Variants in MOB1B observed in about 807,000 individuals in gnomAD.
MOB1B encodes the protein MOB1 Mps One Binder homolog B.
In MOB1B, 19 loss-of-function variants were observed where a neutral mutation model predicts 24.4. The observed-to-expected ratio is 0.78, with a 90% CI of 0.54 to 1.14. The LOEUF is 1.14. Ranked by LOEUF, MOB1B falls within the 50% of genes most tolerant of loss-of-function variation. The pLI, the probability that MOB1B is intolerant of heterozygous loss-of-function variation, is 0.00. For missense variants in MOB1B, 243 were observed against 259.6 expected (o/e 0.94, Z 0.44); for synonymous variants, 76 against 82.1 (o/e 0.93, Z 0.40).
At chr4:70,958,168 CTTT>C (rs112338268) in intron 1 of MOB1B, among the ~76,000 whole-genome samples, 2 of 141,786 alleles carry the variant, frequency 1.4e-5, no homozygotes, top group Non-Finnish European at 1.6e-5. Flanking sequence ...TCTTTTCTTT[CTTT>C]TTTTTTTTTT....
At chr4:70,963,732 A>T (rs1738394640) in intron 2 of MOB1B, among the ~76,000 whole-genome samples, 1 of 152,166 alleles carries the variant, frequency 6.6e-6, no homozygotes, top group Non-Finnish European at 1.5e-5. Flanking sequence ...AGGTGGGAAG[A>T]TCGCTTGAGC....
chr4:70,975,397 T>C, intron 4 of MOB1B, 111 bp downstream of exon 4: 5 of 1,508,342 alleles, frequency 3.3e-6, no homozygotes, highest in East Asian at 2.3e-5. Flanking sequence ...TATGGCTGTG[T>C]TGATATATGT....
At chr4:70,910,283 T>C (rs774707144) in intron 1 of MOB1B, among the ~76,000 whole-genome samples, 1 of 151,462 alleles carries the variant, frequency 6.6e-6, no homozygotes, top group African/African-American at 2.4e-5. Flanking sequence ...TCAAGCAATC[T>C]GCCTGCCTCG....
intron 3 of MOB1B, among the ~76,000 whole-genome samples, chr4:70,971,495 ACT>A (rs1738750508): frequency 7.0e-6 from 1 of 142,064 alleles, no homozygotes; most frequent in Non-Finnish European, 1.5e-5. Flanking sequence ...ATAGAGTGAG[ACT>A]CTGTCTCAAA....
intron 1 of MOB1B, among the ~76,000 whole-genome samples, chr4:70,939,976 C>T (rs946412253): frequency 6.6e-6 from 1 of 152,166 alleles, no homozygotes; most frequent in African/African-American, 2.4e-5. Context: ...GTGTCTCCTC[C>T]GACTGCCCTA....
intron 3 of MOB1B, among the ~76,000 whole-genome samples, chr4:70,973,728 A>G (rs1258746145): frequency 2.0e-5 from 3 of 152,198 alleles, no homozygotes; most frequent in Non-Finnish European, 4.4e-5. Flanking sequence ...GTTGGAAAGT[A>G]TCATACTTGG....
intron 5 of MOB1B, 85 bp downstream of exon 5, chr4:70,979,376 G>A: frequency 9.2e-7 from 1 of 1,081,674 alleles, no homozygotes; most frequent in Non-Finnish European, 1.3e-6. Context: ...CACACTGTCA[G>A]GATGGAATTT....
At chr4:70,908,355 AC>A (rs1394731707) in intron 1 of MOB1B, among the ~76,000 whole-genome samples, 1 of 149,906 alleles carries the variant, frequency 6.7e-6, no homozygotes, top group Non-Finnish European at 1.5e-5. Context: ...TTAAATGTCA[AC>A]AATGAAAGCT....
chr4:70,975,743 G>A lies in MOB1B; in HGVS notation c.409+457G>A, dbSNP rs143538041. On this transcript the variant is annotated intron_variant, in intron 4 of 5. Coordinates refer to ENST00000309395, the MANE Select transcript of MOB1B (RefSeq NM_173468.4). ...GAAGCCCTTTCAGTAGAAAGTTCTA[G>A]ATGGAGGGTTATTCCTATTCTAGGA... is the stretch of plus-strand genomic sequence containing the variant. 32 of 978,814 alleles carry A rather than the reference G, an allele frequency of 3.3e-5. No individual in the cohort carries two copies. The East Asian group carries it at 2.4e-3, about 73-fold the overall frequency. 60.6% of individuals were successfully genotyped at this position (978,814 alleles called of 1,614,324 possible). A position where few individuals can be genotyped will look rare whatever the true frequency, so the allele number is the denominator to read the frequency against.
At chr4:70,956,196 C>T (rs1048608271) in intron 1 of MOB1B, among the ~76,000 whole-genome samples, 2 of 152,092 alleles carry the variant, frequency 1.3e-5, no homozygotes, top group Admixed American at 6.6e-5. Flanking sequence ...ACTGGAAAGT[C>T]GCTGAGTTGT....
chr4:70,918,652 C>T (rs573919269), intron 1 of MOB1B, among the ~76,000 whole-genome samples: 168 of 152,132 alleles, frequency 1.1e-3, no homozygotes, highest in African/African-American at 4.0e-3. Context: ...CCTGTTCACT[C>T]TGATGGTAGT....
chr4:70,906,038 C>T (rs1016460451), intron 1 of MOB1B, among the ~76,000 whole-genome samples: 1 of 151,654 alleles, frequency 6.6e-6, no homozygotes, highest in African/African-American at 2.4e-5. Flanking sequence ...AATCATGCCA[C>T]TGCACTCTAG....
intron 1 of MOB1B, among the ~76,000 whole-genome samples, chr4:70,918,279 T>C (rs559577260): frequency 1.2e-4 from 19 of 152,036 alleles, no homozygotes; most frequent in African/African-American, 3.9e-4. Context: ...ACTTCCACAA[T>C]GGTTGAACTA....
chr4:70,942,855 C>A (rs1318992488), intron 1 of MOB1B: 10 of 814,268 alleles, frequency 1.2e-5, no homozygotes, highest in Non-Finnish European at 1.4e-5. Flanking sequence ...TTATGAAAGA[C>A]TCAAAATAAA....
intron 5 of MOB1B, 88 bp downstream of exon 5, chr4:70,979,379 T>C: frequency 9.5e-7 from 1 of 1,054,342 alleles, no homozygotes; most frequent in Non-Finnish European, 1.4e-6. Context: ...ACTGTCAGGA[T>C]GGAATTTGCC....
intron 2 of MOB1B, among the ~76,000 whole-genome samples, chr4:70,963,225 A>T (rs1035915491): frequency 1.3e-5 from 2 of 151,884 alleles, no homozygotes; most frequent in African/African-American, 4.8e-5. Context: ...TTAGCCGGAG[A>T]TGTACGTACA....
chr4:70,953,912 C>T (rs747240964), intron 1 of MOB1B, among the ~76,000 whole-genome samples: 1 of 152,000 alleles, frequency 6.6e-6, no homozygotes, highest in Non-Finnish European at 1.5e-5. Flanking sequence ...CCACTGCACT[C>T]CAGCCTGGGT....
chr4:70,962,110 G>C (rs1738330711), intron 2 of MOB1B, among the ~76,000 whole-genome samples: 1 of 152,138 alleles, frequency 6.6e-6, no homozygotes, highest in Non-Finnish European at 1.5e-5. Flanking sequence ...TGTAGTCCTA[G>C]CTACTCCAGA....
At chr4:70,934,947 T>C (rs1289029324) in intron 1 of MOB1B, among the ~76,000 whole-genome samples, 1 of 151,900 alleles carries the variant, frequency 6.6e-6, no homozygotes, top group East Asian at 1.9e-4. Context: ...ATTATTATTA[T>C]ATGTATATTT....
Sources: gnomAD v4.1 joint callset for allele counts (sites outside exome capture counted in the v4.1 genomes callset) on GRCh38, gnomAD v4.1.1 for gene constraint, MANE v1.5 for transcripts, NCBI Gene and HGNC (gene_info 2026-07-23, HGNC 2026-07-21) for gene names.